FARS2: variants seen among roughly 807,000 people sequenced by gnomAD.
The protein encoded by FARS2 is phenylalanyl-tRNA synthetase 2, mitochondrial.
A neutral mutation model predicts 46.4 loss-of-function variants in FARS2; 40 were observed. The observed-to-expected ratio is 0.86, with a 90% confidence interval of 0.67 to 1.12. The LOEUF is 1.12. FARS2 is among the 50% of genes most tolerant of loss of function. The pLI is 0.00. For missense variants in FARS2, 513 were observed against 567.9 expected, an observed-to-expected ratio of 0.90 and a Z score of 0.98; for synonymous variants, 234 against 214.9, an observed-to-expected ratio of 1.09 and a Z score of -0.78.
intron 5 of FARS2, among the ~76,000 whole-genome samples, chr6:5,600,387 C>T (rs938058061): frequency 6.6e-6 from 1 of 151,562 alleles, no homozygotes; most frequent in Non-Finnish European, 1.5e-5. Context: ...TAACTCTGGC[C>T]AACACAGTAT....
chr6:5,449,944 T>C (rs1351335762), intron 4 of FARS2, among the ~76,000 whole-genome samples: 1 of 152,228 alleles, frequency 6.6e-6, no homozygotes, highest in East Asian at 1.9e-4. Context: ...CTCCTGAGTA[T>C]ACCAAAATCT....
chr6:5,552,615 A>T (rs1376254406), intron 5 of FARS2, among the ~76,000 whole-genome samples: 1 of 152,206 alleles, frequency 6.6e-6, no homozygotes, highest in Non-Finnish European at 1.5e-5. Context: ...CTTTTCCTGC[A>T]TACCTTGAAA....
intron 6 of FARS2, among the ~76,000 whole-genome samples, chr6:5,763,113 C>A (rs544988266): frequency 6.6e-6 from 1 of 152,364 alleles, no homozygotes; most frequent in African/African-American, 2.4e-5. Flanking sequence ...GGCCCTGCCA[C>A]GCTGCACTTT....
intron 3 of FARS2, among the ~76,000 whole-genome samples, chr6:5,420,991 G>A (rs1304392618): frequency 6.6e-6 from 1 of 152,116 alleles, no homozygotes; most frequent in Non-Finnish European, 1.5e-5. Context: ...CCCCAGCAGG[G>A]ATTCTGTGTG....
At chr6:5,558,630 G>A (rs1440352720) in intron 5 of FARS2, among the ~76,000 whole-genome samples, 2 of 151,910 alleles carry the variant, frequency 1.3e-5, no homozygotes, top group African/African-American at 2.4e-5. Flanking sequence ...TCTGCCTCGC[G>A]GGTTCATGCC....
chr6:5,389,713 T>C (rs550673703), intron 2 of FARS2, among the ~76,000 whole-genome samples: 69 of 152,308 alleles, frequency 4.5e-4, no homozygotes, highest in African/African-American at 1.6e-3. Flanking sequence ...GTGACATTAT[T>C]ATATTTGTCT....
intron 2 of FARS2, among the ~76,000 whole-genome samples, chr6:5,383,760 C>CTTT (rs5873976): frequency 6.9e-6 from 1 of 145,222 alleles, no homozygotes; most frequent in Non-Finnish European, 1.5e-5. Context: ...TTCTGATCTA[C>CTTT]TTTTTTTTTT....
chr6:5,380,108 A>G (rs1245455135), intron 2 of FARS2, among the ~76,000 whole-genome samples: 1 of 152,228 alleles, frequency 6.6e-6, no homozygotes, highest in Non-Finnish European at 1.5e-5. Context: ...ATTTCTGAAA[A>G]CAATTAGGTA....
chr6:5,551,202 T>C (rs1355130138), intron 5 of FARS2, among the ~76,000 whole-genome samples: 1 of 152,212 alleles, frequency 6.6e-6, no homozygotes, highest in African/African-American at 2.4e-5. Flanking sequence ...TGCTTTCCAC[T>C]TCCAATTCAT....
At chr6:5,451,153 ATATAAAAGTCC>A (rs1764468213) in intron 4 of FARS2, among the ~76,000 whole-genome samples, 1 of 152,182 alleles carries the variant, frequency 6.6e-6, no homozygotes, top group African/African-American at 2.4e-5. Flanking sequence ...ATTAATTTAC[ATATAAAAGTCC>A]TATATTTTCA....
At position 5,765,464 on chromosome 6, in the gene FARS2, G is replaced by C. The variant is rs1226587006; in HGVS notation, c.1218-5827G>C. On this transcript the variant is annotated intron_variant, in intron 6 of 6. Coordinates refer to ENST00000274680, the MANE Select transcript of FARS2 (RefSeq NM_006567.5). The surrounding 1 kb of genome is among the most constrained non-coding windows in gnomAD (Gnocchi z 4.0). ...TCGCTCATCACCTGCCAATGGCAGG[G>C]AGCGTGGGCTGTCTTATATTCTGTT... Among the ~76,000 whole-genome samples, 1 of 152,236 alleles carries C rather than the reference G, an allele frequency of 6.6e-6. No individual in the cohort carries two copies. Among genetic ancestry groups the C allele is most frequent in the East Asian group, 1.9e-4 (1 of 5,202 alleles).
At position 5,283,502 on chromosome 6, in the gene FARS2, T is replaced by C. The variant is rs376595620; in HGVS notation, c.-22+21842T>C. 5.3e-5 allele frequency among the ~76,000 whole-genome samples: 8 copies of C among 150,814 alleles called. No individual in the cohort carries two copies. The South Asian group carries it at 1.3e-3, about 24-fold the overall frequency. The stretch of plus-strand genomic sequence containing the variant: ...AGGTGGAAGCTGCAGTAAGCTGAGA[T>C]TGCGCCACTGCACTCCAGCCTGGGC... On this transcript the variant is annotated intron_variant, in intron 1 of 6. Transcript: ENST00000274680.
At chr6:5,739,762 A>G (rs1761203563) in intron 6 of FARS2, among the ~76,000 whole-genome samples, 4 of 152,214 alleles carry the variant, frequency 2.6e-5, no homozygotes, top group Admixed American at 2.6e-4. Context: ...CCAGAACGGT[A>G]GGTCAGGCAG....
intron 1 of FARS2, among the ~76,000 whole-genome samples, chr6:5,360,902 G>C (rs544291401): frequency 6.6e-6 from 1 of 152,132 alleles, no homozygotes; most frequent in Non-Finnish European, 1.5e-5. Flanking sequence ...AAACAGAGAA[G>C]ATCAGGCTAG....
intron 6 of FARS2, among the ~76,000 whole-genome samples, chr6:5,656,630 A>C (rs894739312): frequency 6.6e-6 from 1 of 151,870 alleles, no homozygotes; most frequent in Non-Finnish European, 1.5e-5. Context: ...AGCTCACTGC[A>C]ACCTCCGCCT....
chr6:5,268,635 C>T (rs564278275), intron 1 of FARS2, among the ~76,000 whole-genome samples: 11 of 152,242 alleles, frequency 7.2e-5, no homozygotes, highest in East Asian at 1.9e-4. Flanking sequence ...AGTCAGGTAG[C>T]GTGATGCCTC....
chr6:5,705,999 A>G (rs879827493), intron 6 of FARS2, among the ~76,000 whole-genome samples: 1 of 152,182 alleles, frequency 6.6e-6, no homozygotes, highest in Non-Finnish European at 1.5e-5. Context: ...TTAGAGAAGC[A>G]GTCCCCAACG....
chr6:5,517,190 G>A (rs149554384), intron 4 of FARS2, among the ~76,000 whole-genome samples: 1 of 152,334 alleles, frequency 6.6e-6, no homozygotes, highest in African/African-American at 2.4e-5. Flanking sequence ...AAAAAGCACA[G>A]TCTATGAGGA....
In FARS2 at chr6:5,365,061, A is replaced by G. The variant is rs547716596; in HGVS notation, c.-21-3489A>G. Reference sequence around the variant, plus strand: ...AAGACCCTGTCTCAGAAACAAAAAAAAGCCAAAGCCAAAAAAAAAAACCCC... The same window carrying G: ...AAGACCCTGTCTCAGAAACAAAAAAGAGCCAAAGCCAAAAAAAAAAACCCC... On this transcript the variant is annotated intron_variant, in intron 1 of 6. Coordinates refer to ENST00000274680, the MANE Select transcript of FARS2 (RefSeq NM_006567.5). Among the ~76,000 whole-genome samples the G allele has an allele frequency of 2.1e-4, 32 of 151,952 alleles. 1 individual carries two copies. In the South Asian group the frequency reaches 6.7e-3, roughly 32 times the overall value.
Sources: gnomAD v4.1 joint callset for allele counts (sites outside exome capture counted in the v4.1 genomes callset) on GRCh38, gnomAD v4.1.1 for gene constraint, Gnocchi (gnomAD v3.1) non-coding constraint, MANE v1.5 for transcripts, NCBI Gene and HGNC (gene_info 2026-07-23, HGNC 2026-07-21) for gene names.